The following PRKDC variants were observed in gnomAD, a reference collection of about 807,000 sequenced individuals.
PRKDC encodes protein kinase, DNA-activated, catalytic subunit, also known as DNA-dependent protein kinase catalytic subunit.
PRKDC carries 82 observed loss-of-function variants against 486.9 expected under a neutral mutation model. The observed-to-expected ratio is 0.17, with a 90% CI of 0.14 to 0.20. The LOEUF (loss-of-function observed/expected upper bound fraction) is 0.20, where lower values mean the gene tolerates loss of function less well. Among genes scored for constraint, PRKDC ranks in the 10% least tolerant of loss-of-function variants. PRKDC has a pLI of 1.00. For synonymous variants in PRKDC, 1,895 were observed against 1,837.0 expected, an observed-to-expected ratio of 1.03 and a Z score of -0.81; for missense variants, 4,504 against 5,038.2, an observed-to-expected ratio of 0.89 and a Z score of 3.21.
At chr8:47,929,022 G>T in intron 19 of PRKDC, 70 bp downstream of exon 19, 2 of 1,177,954 alleles carry the variant, frequency 1.7e-6, no homozygotes, top group Non-Finnish European at 2.4e-6. Context: ...ATGATCACTA[G>T]GATTTTTTCA....
chr8:47,877,098 A>G (rs2089107062), intron 40 of PRKDC, among the ~76,000 whole-genome samples: 1 of 152,260 alleles, frequency 6.6e-6, no homozygotes, highest in Non-Finnish European at 1.5e-5. Context: ...AAGAAGTTCA[A>G]TGAAAGCAAA....
chr8:47,802,183 C>T (rs1412101721), intron 70 of PRKDC, among the ~76,000 whole-genome samples: 1 of 152,142 alleles, frequency 6.6e-6, no homozygotes, highest in Non-Finnish European at 1.5e-5. Context: ...CTCAAGCCAT[C>T]CTCCCGCCTC....
At chr8:47,810,581 C>A (rs1210726207) in intron 68 of PRKDC, among the ~76,000 whole-genome samples, 1 of 152,166 alleles carries the variant, frequency 6.6e-6, no homozygotes, top group African/African-American at 2.4e-5. Context: ...TCCATCTCAA[C>A]AGAAAACAGA....
At position 47,937,284 on chromosome 8, in the gene PRKDC, T is replaced by C. The variant is rs150175388; in HGVS notation, c.1114-767A>G. Among the ~76,000 whole-genome samples, 440 of 152,166 alleles carry C rather than the reference T, an allele frequency of 2.9e-3. 3 individuals are homozygous for C. Among genetic ancestry groups the C allele is most frequent in the African/African-American group, 0.01 (431 of 41,528 alleles). ...AAAAAATAAATAAATAAATAAAATATATCTCATTATAAAGATGCTTTGTAT... is the reference window on the plus strand; with the variant it reads ...AAAAAATAAATAAATAAATAAAATACATCTCATTATAAAGATGCTTTGTAT... On this transcript the variant is annotated intron_variant, in intron 11 of 85. Coordinates refer to ENST00000314191, the MANE Select transcript of PRKDC (RefSeq NM_006904.7).
In PRKDC at chr8:47,779,009, C is replaced by T. The variant is rs2086654870; in HGVS notation, c.11574G>A (p.Met3858Ile). ...GKHDVGAYML[M>I]YKGANRTETV... ...AAAATCAAAACCAAACTTACTTATA[C>T]ATTAGCATGTAAGCTCCAACATCAT... The change falls in exon 81 of 86, where the codon ATG (methionine) becomes ATA (isoleucine). Residue 3858 changes from methionine to isoleucine, a missense_variant. By Grantham distance (10) the Met-to-Ile change is conservative. This residue lies in a region of PRKDC where 706 missense variants were observed against 945.0 expected (regional missense o/e 0.75). Coordinates refer to ENST00000314191, the MANE Select transcript of PRKDC (RefSeq NM_006904.7). The T allele has an allele frequency of 1.9e-6, 3 of 1,587,964 alleles. No homozygotes were observed. The highest frequency in any genetic ancestry group is 1.7e-6 in the Non-Finnish European group (2 of 1,167,804).
At chr8:47,779,540 TA>T (rs1320578627) in intron 80 of PRKDC, among the ~76,000 whole-genome samples, 5 of 152,246 alleles carry the variant, frequency 3.3e-5, no homozygotes, top group African/African-American at 1.2e-4. Context: ...ACAGTTTTGC[TA>T]AAGATGGATT....
At chr8:47,896,151 A>C (rs544342115) in intron 30 of PRKDC, among the ~76,000 whole-genome samples, 1 of 152,190 alleles carries the variant, frequency 6.6e-6, no homozygotes, top group African/African-American at 2.4e-5. Context: ...TTTATACTTC[A>C]TTATTTATAT....
rs746550539 is a variant in PRKDC, at chr8:47,935,749, T to C, written c.1430A>G (p.Asn477Ser). Residue 477 changes from asparagine (N) to serine (S), a missense_variant, in exon 13 of 86, where the codon AAT becomes AGT. Physicochemically the swap from Asn to Ser is conservative, Grantham distance 46 (BLOSUM62 1). Transcript: ENST00000314191. Reference sequence around the variant, plus strand: ...AAACTTACCCACAGTACTAATGCAATTCCTGAGAACTGGCCCTTTTGCTGC... The same window carrying C: ...AAACTTACCCACAGTACTAATGCAACTCCTGAGAACTGGCCCTTTTGCTGC... ...ALAAKGPVLR[N>S]CISTVVHQGL... is the part of the protein sequence containing the mutation. 1.9e-5 allele frequency: 30 copies of C among 1,613,722 alleles called. No homozygotes were observed. Among genetic ancestry groups the C allele is most frequent in the Non-Finnish European group, 2.0e-5 (24 of 1,179,826 alleles).
chr8:47,946,532 AC>A (rs1263510004), intron 7 of PRKDC, among the ~76,000 whole-genome samples: 2 of 149,656 alleles, frequency 1.3e-5, no homozygotes, highest in Non-Finnish European at 3.0e-5. Context: ...TCCTCCCCAA[AC>A]TCCACCGGAT....
intron 66 of PRKDC, among the ~76,000 whole-genome samples, chr8:47,820,380 AAAAC>A (rs775163001): frequency 2.2e-4 from 34 of 152,272 alleles, no homozygotes; most frequent in African/African-American, 3.1e-4. Flanking sequence ...TTGGTCTCAA[AAAAC>A]AAACAAACAA....
At chr8:47,929,751 CT>C in intron 18 of PRKDC, 101 bp downstream of exon 18, 1 of 1,251,442 alleles carries the variant, frequency 8.0e-7, no homozygotes, top group Non-Finnish European at 1.1e-6. Context: ...AATTAGTAGA[CT>C]TTAAAACTGC....
intron 54 of PRKDC, among the ~76,000 whole-genome samples, chr8:47,847,097 C>G (rs1290942598): frequency 1.3e-5 from 2 of 152,154 alleles, no homozygotes; most frequent in Non-Finnish European, 2.9e-5. Flanking sequence ...AATGCTATTC[C>G]TATCAAACTA....
chr8:47,950,557 A>C (rs1170483285), intron 7 of PRKDC, among the ~76,000 whole-genome samples: 1 of 147,738 alleles, frequency 6.8e-6, no homozygotes, highest in African/African-American at 2.5e-5. Context: ...TGAACCCGGA[A>C]GGGGGAGCTT....
intron 69 of PRKDC, among the ~76,000 whole-genome samples, chr8:47,806,020 C>T (rs1048097217): frequency 1.2e-4 from 18 of 152,172 alleles, no homozygotes; most frequent in African/African-American, 3.6e-4. Context: ...GATGCAGTCT[C>T]CCGCCCTCTG....
intron 74 of PRKDC, among the ~76,000 whole-genome samples, chr8:47,791,562 G>A (rs1303304574): frequency 6.6e-6 from 1 of 151,982 alleles, no homozygotes; most frequent in African/African-American, 2.4e-5. Context: ...TTTTAAAATG[G>A]GGCAAAGGAT....
intron 68 of PRKDC, among the ~76,000 whole-genome samples, chr8:47,812,168 C>T (rs943026797): frequency 6.6e-6 from 1 of 152,116 alleles, no homozygotes; most frequent in African/African-American, 2.4e-5. Flanking sequence ...AAGGCAGAAA[C>T]AGACAATTCT....
intron 76 of PRKDC, 145 bp downstream of exon 76, chr8:47,788,761 A>T (rs1387764885): frequency 1.6e-5 from 14 of 876,806 alleles, no homozygotes; most frequent in Non-Finnish European, 2.2e-5. Flanking sequence ...AAAGCATGAG[A>T]CCTAAAGCAT....
chr8:47,883,454 C>T (rs2089264999), intron 36 of PRKDC, among the ~76,000 whole-genome samples: 1 of 152,180 alleles, frequency 6.6e-6, no homozygotes, highest in Non-Finnish European at 1.5e-5. Flanking sequence ...CCTGGAAACT[C>T]AAAGCCTTTG....
intron 66 of PRKDC, among the ~76,000 whole-genome samples, chr8:47,820,194 C>A (rs1427269524): frequency 6.6e-6 from 1 of 152,114 alleles, no homozygotes; most frequent in Non-Finnish European, 1.5e-5. Context: ...AGGTGAATCA[C>A]CTGACGTCAG....
Sources: allele counts gnomAD v4.1 joint callset (sites outside exome capture counted in the v4.1 genomes callset), GRCh38; gene constraint gnomAD v4.1.1; regional missense constraint gnomAD v4.1.1; transcripts MANE v1.5; gene names NCBI Gene and HGNC (gene_info 2026-07-23, HGNC 2026-07-21).